Variants in RHOG observed in about 807,000 individuals in gnomAD.
The protein encoded by RHOG is ras homolog family member G.
A neutral mutation model predicts 12.3 loss-of-function variants in RHOG; 1 was observed. The ratio of observed to expected loss-of-function variants is 0.08; its 90% CI spans 0.03 to 0.39. The LOEUF is 0.39. RHOG is among the 10% of genes least tolerant of loss of function. RHOG has a pLI of 0.99. For synonymous variants in RHOG, 129 were observed against 116.0 expected (o/e 1.11, Z -0.72); for missense variants, 114 against 266.2 (o/e 0.43, Z 3.98).
At chr11:3,829,922 T>C (rs2090116241) in intron 1 of RHOG, among the ~76,000 whole-genome samples, 1 of 152,152 alleles carries the variant, frequency 6.6e-6, no homozygotes, top group Admixed American at 6.5e-5. Context: ...AATTTTTGTA[T>C]TTTTAGTAGA....
At chr11:3,834,477 AC>A (rs1318940102) in intron 1 of RHOG, among the ~76,000 whole-genome samples, 2 of 152,074 alleles carry the variant, frequency 1.3e-5, no homozygotes, top group East Asian at 1.9e-4. Flanking sequence ...CTCCCTGCCC[AC>A]CCCCCAACAG....
chr11:3,831,385 T>G (rs1043141594), intron 1 of RHOG, among the ~76,000 whole-genome samples: 1 of 152,040 alleles, frequency 6.6e-6, no homozygotes, highest in Non-Finnish European at 1.5e-5. Context: ...TAAAAAATAT[T>G]TCCATCCTAT....
In RHOG at chr11:3,827,301, C is replaced by T; in HGVS notation, c.*262G>A. ...AAAATGGGAGGGGGCACTGGGTTGG[C>T]CTCTTGGGGAGGGGTCCAACCTTGG... On this transcript the variant is annotated 3_prime_UTR_variant, in exon 2 of 2. Coordinates refer to ENST00000351018, the MANE Select transcript of RHOG (RefSeq NM_001665.4). This position sits in a 1 kb window ranked among gnomAD's most constrained non-coding sequence, Gnocchi z 7.3. 1 of 519,790 alleles carries T rather than the reference C, an allele frequency of 1.9e-6. No homozygotes were observed. 32.2% of individuals were successfully genotyped at this position (519,790 alleles called of 1,614,324 possible).
At chr11:3,835,348 AG>A (rs2090150350) in intron 1 of RHOG, among the ~76,000 whole-genome samples, 1 of 152,182 alleles carries the variant, frequency 6.6e-6, no homozygotes, top group Non-Finnish European at 1.5e-5. Flanking sequence ...CAGCTTCTCC[AG>A]GACATCACAG....
chr11:3,840,238 A>T (rs1337790622), intron 1 of RHOG, among the ~76,000 whole-genome samples: 4 of 152,178 alleles, frequency 2.6e-5, no homozygotes, highest in Non-Finnish European at 5.9e-5. Context: ...AGCTAGGAAC[A>T]GCGTCTGCTC....
At chr11:3,828,605 G>A (rs1425022001) in intron 1 of RHOG, among the ~76,000 whole-genome samples, 8 of 149,684 alleles carry the variant, frequency 5.3e-5, no homozygotes, top group Non-Finnish European at 1.0e-4. Context: ...ACAGTGCCTC[G>A]TCCACAAGTA....
At chr11:3,828,878 C>T (rs937833977) in intron 1 of RHOG, among the ~76,000 whole-genome samples, 2 of 151,982 alleles carry the variant, frequency 1.3e-5, no homozygotes, top group East Asian at 3.9e-4. Context: ...CCTTGGCCTC[C>T]TAAAGTGCTG....
At chr11:3,831,158 C>T (rs561434484) in intron 1 of RHOG, among the ~76,000 whole-genome samples, 29 of 152,260 alleles carry the variant, frequency 1.9e-4, no homozygotes, top group Non-Finnish European at 1.5e-4. Flanking sequence ...CCCTTACCCC[C>T]CCAGCCTGGG....
chr11:3,829,811 A>G (rs554502407), intron 1 of RHOG, among the ~76,000 whole-genome samples: 4 of 151,744 alleles, frequency 2.6e-5, no homozygotes, highest in African/African-American at 9.7e-5. Flanking sequence ...TAGTGGCGCA[A>G]TCTTGACTCA....
At chr11:3,836,371 A>AAG (rs1221709155) in intron 1 of RHOG, among the ~76,000 whole-genome samples, 1 of 93,748 alleles carries the variant, frequency 1.1e-5, no homozygotes, top group Non-Finnish European at 2.6e-5. Context: ...AAAAAAAAAA[A>AAG]AAGAAAGAAA....
At chr11:3,838,888 G>A (rs141089997) in intron 1 of RHOG, among the ~76,000 whole-genome samples, 3 of 152,282 alleles carry the variant, frequency 2.0e-5, no homozygotes, top group Non-Finnish European at 4.4e-5. Flanking sequence ...TTCCTGAGAA[G>A]GAATAGGGTC....
rs143155056 is a variant in RHOG at position 3,827,875 on chromosome 11, C to T, written c.264G>A (p.Pro88=). The change falls in exon 2 of 2, where the codon CCG becomes CCA. Residue 88 remains proline, a synonymous_variant. Coordinates refer to ENST00000351018, the MANE Select transcript of RHOG (RefSeq NM_001665.4). This position sits in a 1 kb window ranked among gnomAD's most constrained non-coding sequence, Gnocchi z 7.3. ...FVICFSIASP[P]SYENVRHKWH... is the part of the protein sequence containing the mutation. ...ACTTGTGCCGCACGTTCTCATAGGA[C>T]GGCGGACTGGCAATGGAGAAACAGA... 2.1e-4 allele frequency: 345 copies of T among 1,614,080 alleles called. No individual in the cohort carries two copies. Among genetic ancestry groups the T allele is most frequent in the Non-Finnish European group, 2.4e-4 (286 of 1,180,052 alleles).
intron 1 of RHOG, among the ~76,000 whole-genome samples, chr11:3,833,092 C>T (rs187368448): frequency 1.3e-5 from 2 of 152,072 alleles, no homozygotes; most frequent in Admixed American, 6.5e-5. Context: ...TCAATGGTTG[C>T]CAATCTGTTT....
intron 1 of RHOG, among the ~76,000 whole-genome samples, chr11:3,832,277 A>G (rs1053912819): frequency 1.3e-5 from 2 of 152,236 alleles, no homozygotes; most frequent in Non-Finnish European, 2.9e-5. Flanking sequence ...AATTCAGAAC[A>G]GTAAAAGTAA....
chr11:3,827,523 G>A lies in RHOG; in HGVS notation c.*40C>T, dbSNP rs192991095. ...GACAAGGCACCAAGGCACAACTGGT[G>A]GGGGGAGGGCAGGGGCAGCCTCCAA... On this transcript the variant is annotated 3_prime_UTR_variant, in exon 2 of 2. Transcript: ENST00000351018. This position sits in a 1 kb window ranked among gnomAD's most constrained non-coding sequence, Gnocchi z 7.3. 6 of 1,516,576 alleles carry A rather than the reference G, an allele frequency of 4.0e-6. No homozygotes were observed. The highest frequency in any genetic ancestry group is 3.4e-5 in the South Asian group (3 of 87,112). 93.9% of individuals were successfully genotyped at this position (1,516,576 alleles called of 1,614,324 possible).
At position 3,827,378 on chromosome 11, in the gene RHOG, G is replaced by C. The variant is rs2090085401; in HGVS notation, c.*185C>G. 1 of 603,188 alleles carries C rather than the reference G, an allele frequency of 1.7e-6. No individual in the cohort carries two copies. Among genetic ancestry groups the C allele is most frequent in the Admixed American group, 3.0e-5 (1 of 33,798 alleles). The allele number at this position is 603,188 out of a possible 1,614,324, so 37.4% of individuals were successfully genotyped here. On this transcript the variant is annotated 3_prime_UTR_variant, in exon 2 of 2. Coordinates refer to ENST00000351018, the MANE Select transcript of RHOG (RefSeq NM_001665.4). This position sits in a 1 kb window ranked among gnomAD's most constrained non-coding sequence, Gnocchi z 7.3. ...GTGTTCCCAAGCAGAGGGGGGCAGA[G>C]CCCAAAGCCCCTTTCTCTGCAGGCC...
Position 3,827,542 on chromosome 11 carries a change from C to A in RHOG, c.*21G>T. 1 of 1,584,312 alleles carries A rather than the reference C, an allele frequency of 6.3e-7. No individual in the cohort carries two copies. Among genetic ancestry groups the A allele is most frequent in the Non-Finnish European group, 8.6e-7 (1 of 1,166,518 alleles). ...ACTGGTGGGGGGAGGGCAGGGGCAG[C>A]CTCCAAGCCAAGTGCCAGGGTCACA... On this transcript the variant is annotated 3_prime_UTR_variant, in exon 2 of 2. Transcript: ENST00000351018. The surrounding 1 kb of genome is among the most constrained non-coding windows in gnomAD (Gnocchi z 7.3).
intron 1 of RHOG, among the ~76,000 whole-genome samples, chr11:3,839,940 A>G (rs906378241): frequency 3.3e-5 from 5 of 152,158 alleles, no homozygotes; most frequent in African/African-American, 1.2e-4. Flanking sequence ...GTCAAGGCCT[A>G]GGTATGACCG....
At chr11:3,839,485 AACACACACACACACACACACAC>A (rs71041402) in intron 1 of RHOG, among the ~76,000 whole-genome samples, 3 of 141,890 alleles carry the variant, frequency 2.1e-5, no homozygotes, top group Non-Finnish European at 4.6e-5. Flanking sequence ...CGCGCGCGCG[AACACACACACACACACACACAC>A]ACACACACAC....
Sources: allele counts gnomAD v4.1 joint callset (sites outside exome capture counted in the v4.1 genomes callset), GRCh38; gene constraint gnomAD v4.1.1; non-coding constraint Gnocchi (gnomAD v3.1); transcripts MANE v1.5; gene names NCBI Gene and HGNC (gene_info 2026-07-23, HGNC 2026-07-21).